Variants in TSC22D2 observed in about 807,000 individuals in gnomAD.
The protein encoded by TSC22D2 is TSC22 domain family member 2.
In TSC22D2, 5 loss-of-function variants were observed where a neutral mutation model predicts 50.1. That is an observed-to-expected ratio of 0.10 (90% confidence interval 0.05 to 0.21). The LOEUF is 0.21. Ranked by LOEUF, TSC22D2 falls within the 10% of genes least tolerant of loss-of-function variation. The pLI is 1.00. For missense variants in TSC22D2, 1,003 were observed against 1,015.5 expected, an observed-to-expected ratio of 0.99 and a Z score of 0.17; for synonymous variants, 501 against 450.1, an observed-to-expected ratio of 1.11 and a Z score of -1.43.
intron 1 of TSC22D2, among the ~76,000 whole-genome samples, chr3:150,441,625 A>G (rs111550144): frequency 0.024 from 3,718 of 152,166 alleles, 158 homozygotes; most frequent in African/African-American, 0.084. Context: ...GTGGTGGTGC[A>G]CACCTGTGGT....
At chr3:150,435,729 A>G (rs763878942) in intron 1 of TSC22D2, among the ~76,000 whole-genome samples, 17 of 152,310 alleles carry the variant, frequency 1.1e-4, no homozygotes, top group Non-Finnish European at 2.4e-4. Flanking sequence ...TTGATTTAGC[A>G]TATCCATTTT....
chr3:150,446,770 C>T lies in TSC22D2; in HGVS notation c.1959-10306C>T, dbSNP rs531184774. ...GCCCTATTTTGAAACGGTCCCTTGA[C>T]AACCTTTATTTATTACTGTACTTGG... On this transcript the variant is annotated intron_variant, in intron 1 of 2. Transcript: ENST00000688009. Among the ~76,000 whole-genome samples the T allele has an allele frequency of 2.2e-4, 34 of 152,252 alleles. No homozygotes were observed. The South Asian group carries it at 7.0e-3, about 32-fold the overall frequency.
At chr3:150,452,814 C>A (rs999888580) in intron 1 of TSC22D2, among the ~76,000 whole-genome samples, 1 of 152,172 alleles carries the variant, frequency 6.6e-6, no homozygotes, top group African/African-American at 2.4e-5. Flanking sequence ...TTCCACAGCT[C>A]TATATTTCTG....
chr3:150,428,747 T>C lies in TSC22D2; in HGVS notation c.1958+17439T>C, dbSNP rs563023407. ...GTTGTACTCCATTTCTACAGAACAG[T>C]TGTTCTAAATACAAAACTAACTAGA... On this transcript the variant is annotated intron_variant, in intron 1 of 2. Coordinates refer to ENST00000688009, the MANE Select transcript of TSC22D2 (RefSeq NM_001303264.2). Among the ~76,000 whole-genome samples the C allele has an allele frequency of 1.1e-4, 17 of 152,238 alleles. No homozygotes were observed. In the East Asian group the frequency reaches 3.3e-3, roughly 29 times the overall value.
chr3:150,458,355 T>C, intron 2 of TSC22D2, 21 bp from the exon 3 acceptor site: 1 of 1,603,466 alleles, frequency 6.2e-7, no homozygotes, highest in Non-Finnish European at 8.5e-7. Flanking sequence ...CTTTTGACAT[T>C]CCTAATTTTG....
chr3:150,410,871 A>G lies in TSC22D2; in HGVS notation c.1521A>G (p.Pro507=). ...GGPHAVVPGV[P]NVPAAVPAPS... ...CTCACGCCGTGGTGCCCGGAGTTCC[A>G]AACGTGCCTGCAGCCGTGCCCGCTC... is the stretch of plus-strand genomic sequence containing the variant. The change falls in exon 1 of 3, where the codon CCA becomes CCG. Residue 507 remains proline (P), a synonymous_variant. Transcript: ENST00000688009. 3 of 1,613,770 alleles carry G rather than the reference A, an allele frequency of 1.9e-6. No individual in the cohort carries two copies. Among genetic ancestry groups the G allele is most frequent in the Non-Finnish European group, 2.5e-6 (3 of 1,179,974 alleles).
intron 1 of TSC22D2, among the ~76,000 whole-genome samples, chr3:150,425,975 G>T (rs1720171224): frequency 6.6e-6 from 1 of 152,114 alleles, no homozygotes; most frequent in Non-Finnish European, 1.5e-5. Flanking sequence ...TTTATATCCA[G>T]TGCTTTACTC....
chr3:150,412,587 A>G (rs533432639), intron 1 of TSC22D2, among the ~76,000 whole-genome samples: 1 of 152,250 alleles, frequency 6.6e-6, no homozygotes, highest in East Asian at 1.9e-4. Flanking sequence ...TGCTTTTTGT[A>G]ATTTAAAGTT....
At chr3:150,418,811 ATCTT>A (rs1222777529) in intron 1 of TSC22D2, among the ~76,000 whole-genome samples, 21 of 152,096 alleles carry the variant, frequency 1.4e-4, no homozygotes, top group African/African-American at 3.1e-4. Context: ...AATAATATAT[ATCTT>A]GAAACGATTT....
chr3:150,445,834 G>A (rs1230514612), intron 1 of TSC22D2, among the ~76,000 whole-genome samples: 1 of 152,072 alleles, frequency 6.6e-6, no homozygotes, highest in Non-Finnish European at 1.5e-5. Context: ...CTAGCCTCAC[G>A]CCTGTAATTC....
chr3:150,442,852 A>G (rs1003958932), intron 1 of TSC22D2, among the ~76,000 whole-genome samples: 1 of 152,190 alleles, frequency 6.6e-6, no homozygotes, highest in African/African-American at 2.4e-5. Context: ...CTGAGGCAGA[A>G]GGATCACTTG....
intron 1 of TSC22D2, among the ~76,000 whole-genome samples, chr3:150,446,774 CTTTATTTA>C (rs1390964324): frequency 2.6e-5 from 4 of 152,078 alleles, no homozygotes; most frequent in African/African-American, 9.7e-5. Flanking sequence ...CCTTGACAAC[CTTTATTTA>C]TTACTGTACT....
rs767396614 is a variant in TSC22D2, at chr3:150,410,341, C to G, written c.991C>G (p.Leu331Val). 8 of 1,591,604 alleles carry G rather than the reference C, an allele frequency of 5.0e-6. No homozygotes were observed. In the South Asian group the frequency reaches 6.8e-5, roughly 14 times the overall value. Residue 331 changes from leucine to valine, a missense_variant, in exon 1 of 3, where the codon CTG becomes GTG. Transcript: ENST00000688009. ...GACTCTGCCGCCGACGAATGTAACC[C>G]TGGCGCAGCCGGCTATGTCCCTGCC... is the stretch of plus-strand genomic sequence containing the variant. ...GQTLPPTNVT[L>V]AQPAMSLPPQ...
Position 150,409,227 on chromosome 3 carries a change from G to A in TSC22D2, c.-124G>A, listed in dbSNP as rs1719397463. The stretch of plus-strand genomic sequence containing the variant: ...GGATCAGCCCGTGACTCTTAACAGC[G>A]GCGGGCCTCAGACCCCAGCGCAGAC... On this transcript the variant is annotated 5_prime_UTR_variant, in exon 1 of 3. Coordinates refer to ENST00000688009, the MANE Select transcript of TSC22D2 (RefSeq NM_001303264.2). The surrounding 1 kb of genome is among the most constrained non-coding windows in gnomAD (Gnocchi z 7.4). The A allele has an allele frequency of 1.8e-6, 2 of 1,118,140 alleles. No individual in the cohort carries two copies. The highest frequency in any genetic ancestry group is 3.1e-5 in the African/African-American group (2 of 63,872). 69.3% of individuals were successfully genotyped at this position (1,118,140 alleles called of 1,614,324 possible).
At chr3:150,430,824 G>A (rs1342263847) in intron 1 of TSC22D2, among the ~76,000 whole-genome samples, 1 of 150,044 alleles carries the variant, frequency 6.7e-6, no homozygotes, top group Non-Finnish European at 1.5e-5. Context: ...GTCTGAAGAG[G>A]ATGATTGGTT....
At chr3:150,443,596 G>C (rs1035201261) in intron 1 of TSC22D2, among the ~76,000 whole-genome samples, 2 of 152,192 alleles carry the variant, frequency 1.3e-5, no homozygotes, top group African/African-American at 4.8e-5. Flanking sequence ...AATGACTTCA[G>C]ACTCCTGGAT....
At chr3:150,425,934 C>T (rs567390836) in intron 1 of TSC22D2, among the ~76,000 whole-genome samples, 24 of 152,284 alleles carry the variant, frequency 1.6e-4, no homozygotes, top group Non-Finnish European at 3.1e-4. Flanking sequence ...AGCAGCCTGC[C>T]TCTGCCTATA....
At chr3:150,435,640 A>G (rs1349434097) in intron 1 of TSC22D2, among the ~76,000 whole-genome samples, 1 of 152,190 alleles carries the variant, frequency 6.6e-6, no homozygotes, top group East Asian at 1.9e-4. Flanking sequence ...TTTAAACCTG[A>G]AAACAAAATT....
At chr3:150,435,288 A>G (rs934454075) in intron 1 of TSC22D2, among the ~76,000 whole-genome samples, 1 of 151,978 alleles carries the variant, frequency 6.6e-6, no homozygotes, top group African/African-American at 2.4e-5. Context: ...GCCTTTTTAT[A>G]TGTTAATTTT....
Sources: gnomAD v4.1 joint callset for allele counts (sites outside exome capture counted in the v4.1 genomes callset) on GRCh38, gnomAD v4.1.1 for gene constraint, Gnocchi (gnomAD v3.1) non-coding constraint, MANE v1.5 for transcripts, NCBI Gene and HGNC (gene_info 2026-07-23, HGNC 2026-07-21) for gene names.